The following KCND3 variants were observed in gnomAD, a reference collection of about 807,000 sequenced individuals.
KCND3 encodes the protein potassium voltage-gated channel subfamily D member 3, also known as A-type voltage-gated potassium channel KCND3.
KCND3 carries 9 observed loss-of-function variants against 51.1 expected under a neutral mutation model. The ratio of observed to expected loss-of-function variants is 0.18; its 90% CI spans 0.11 to 0.31. The LOEUF is 0.31. KCND3 is among the 10% of genes least tolerant of loss of function. The pLI is 1.00. For synonymous variants in KCND3, 349 were observed against 368.0 expected (o/e 0.95, Z 0.59); for missense variants, 526 against 903.8 (o/e 0.58, Z 5.36).
intron 2 of KCND3, among the ~76,000 whole-genome samples, chr1:111,969,815 G>C (rs1674222966): frequency 6.6e-6 from 1 of 152,090 alleles, no homozygotes; most frequent in South Asian, 2.1e-4. Context: ...CGTCATCTCT[G>C]TTGTGGGGCA....
chr1:111,784,103 T>TCTCACA (rs1553236798), intron 3 of KCND3, among the ~76,000 whole-genome samples: 24 of 117,564 alleles, frequency 2.0e-4, no homozygotes, highest in African/African-American at 6.4e-4. Context: ...CATTAACTTA[T>TCTCACA]CACACACACA....
chr1:111,910,124 T>TGG (rs1249729860), intron 2 of KCND3: 1 of 152,200 alleles, frequency 6.6e-6, no homozygotes, highest in Non-Finnish European at 1.5e-5. Flanking sequence ...TCGCGCTAGG[T>TGG]GGGAGCAAGC....
At chr1:111,954,688 G>A (rs1205531210) in intron 2 of KCND3, among the ~76,000 whole-genome samples, 1 of 152,214 alleles carries the variant, frequency 6.6e-6, no homozygotes, top group Non-Finnish European at 1.5e-5. Flanking sequence ...ACTAGTCAAC[G>A]TAGGAGTGAA....
At position 111,821,121 on chromosome 1, in the gene KCND3, A is replaced by G. The variant is rs113444457; in HGVS notation, c.1107-34015T>C. On this transcript the variant is annotated intron_variant, in intron 2 of 7. Coordinates refer to ENST00000302127, the MANE Select transcript of KCND3 (RefSeq NM_001378969.1). ...GACAGGATCTGTTTTTACCCTTCTC[A>G]TTATCCTTCTAAGAGATCCGTGTGC... Among the ~76,000 whole-genome samples, 1,017 of 152,262 alleles carry G rather than the reference A, an allele frequency of 6.7e-3. 9 individuals are homozygous for G. Among genetic ancestry groups the G allele is most frequent in the African/African-American group, 0.023 (970 of 41,532 alleles).
Position 111,928,086 on chromosome 1 carries a change from T to C in KCND3, c.1106+53535A>G, listed in dbSNP as rs534392071. ...CCATAGCGCACTTACCACCACTGAC[T>C]TTTTAATTTTTTTTTTTAGCTAACG... On this transcript the variant is annotated intron_variant, in intron 2 of 7. Coordinates refer to ENST00000302127, the MANE Select transcript of KCND3 (RefSeq NM_001378969.1). Among the ~76,000 whole-genome samples the C allele has an allele frequency of 1.4e-4, 21 of 152,230 alleles. No homozygotes were observed. In the East Asian group the frequency reaches 4.1e-3, roughly 29 times the overall value.
intron 2 of KCND3, among the ~76,000 whole-genome samples, chr1:111,906,103 T>A (rs1319713148): frequency 1.3e-5 from 2 of 152,110 alleles, no homozygotes; most frequent in Non-Finnish European, 2.9e-5. Context: ...GCCACTGGAG[T>A]CCCATTCTCA....
At chr1:111,856,085 G>A (rs537960308) in intron 2 of KCND3, among the ~76,000 whole-genome samples, 34 of 152,328 alleles carry the variant, frequency 2.2e-4, no homozygotes, top group African/African-American at 7.2e-4. Context: ...GAAGGATGGC[G>A]AGCAGACCTG....
At chr1:111,956,594 G>A (rs1322658140) in intron 2 of KCND3, among the ~76,000 whole-genome samples, 3 of 152,114 alleles carry the variant, frequency 2.0e-5, no homozygotes, top group East Asian at 1.9e-4. Flanking sequence ...TCTGATGTGC[G>A]GCATTCCTAA....
At chr1:111,979,733 G>A (rs1426744741) in intron 2 of KCND3, among the ~76,000 whole-genome samples, 3 of 152,182 alleles carry the variant, frequency 2.0e-5, no homozygotes, top group Non-Finnish European at 4.4e-5. Flanking sequence ...CAACCTTGCA[G>A]GGCTGTTGTA....
chr1:111,927,403 C>G (rs1218430995), intron 2 of KCND3, among the ~76,000 whole-genome samples: 4 of 152,240 alleles, frequency 2.6e-5, no homozygotes, highest in Admixed American at 2.0e-4. Flanking sequence ...AGACCCCTTC[C>G]TGAATGGGCA....
intron 2 of KCND3, among the ~76,000 whole-genome samples, chr1:111,913,768 T>TA (rs1272948557): frequency 6.6e-6 from 1 of 152,074 alleles, no homozygotes; most frequent in Non-Finnish European, 1.5e-5. Flanking sequence ...TAGTGGTGTG[T>TA]ACCTCTGATC....
At chr1:111,890,996 C>T (rs145628499) in intron 2 of KCND3, among the ~76,000 whole-genome samples, 1,714 of 152,146 alleles carry the variant, frequency 0.011, 102 homozygotes, top group Admixed American at 0.1. Context: ...TTTGAGGGGG[C>T]GTGGCACTGA....
At chr1:111,956,587 G>C (rs1386410676) in intron 2 of KCND3, among the ~76,000 whole-genome samples, 1 of 152,144 alleles carries the variant, frequency 6.6e-6, no homozygotes, top group Admixed American at 6.5e-5. Flanking sequence ...TTCTTTTTCT[G>C]ATGTGCGGCA....
At chr1:111,869,941 T>C (rs1299800232) in intron 2 of KCND3, among the ~76,000 whole-genome samples, 2 of 152,144 alleles carry the variant, frequency 1.3e-5, no homozygotes, top group Non-Finnish European at 2.9e-5. Flanking sequence ...ACATGTCACA[T>C]GCTGAAATAA....
In KCND3 at chr1:111,850,632, C is replaced by A. The variant is rs537882353; in HGVS notation, c.1107-63526G>T. ...TGAAGCTGTGTGTGAAGATAGCCCG[C>A]AGGGGATTCTGACATGGCTGGTCCG... On this transcript the variant is annotated intron_variant, in intron 2 of 7. Coordinates refer to ENST00000302127, the MANE Select transcript of KCND3 (RefSeq NM_001378969.1). 4.6e-5 allele frequency among the ~76,000 whole-genome samples: 7 copies of A among 152,346 alleles called. No individual in the cohort carries two copies. In the South Asian group the frequency reaches 1.4e-3, roughly 32 times the overall value.
rs1047942862 is a variant in KCND3, at chr1:111,772,832, T to G, written c.*3245A>C. 6.6e-6 allele frequency: 1 copy of G among 152,232 alleles called. No homozygotes were observed. The highest frequency in any genetic ancestry group is 1.5e-5 in the Non-Finnish European group (1 of 68,044). The allele number at this position is 152,232 out of a possible 1,614,324, so 9.4% of individuals were successfully genotyped here. A position where few individuals can be genotyped will look rare whatever the true frequency, so the allele number is the denominator to read the frequency against. On this transcript the variant is annotated 3_prime_UTR_variant, in exon 8 of 8. Transcript: ENST00000302127. Reference sequence around the variant, plus strand: ...GGAATAGGTGGTTTTGGGAATATTTTATTATGTCAAAGTGGTTCATGAACT... The same window carrying G: ...GGAATAGGTGGTTTTGGGAATATTTGATTATGTCAAAGTGGTTCATGAACT...
At chr1:111,823,614 C>T (rs565047656) in intron 2 of KCND3, among the ~76,000 whole-genome samples, 1 of 152,172 alleles carries the variant, frequency 6.6e-6, no homozygotes, top group African/African-American at 2.4e-5. Context: ...CTGAATAACA[C>T]ATTTCATTGT....
At chr1:111,796,047 G>A (rs1444650710) in intron 2 of KCND3, among the ~76,000 whole-genome samples, 1 of 152,074 alleles carries the variant, frequency 6.6e-6, no homozygotes, top group Non-Finnish European at 1.5e-5. Flanking sequence ...TTTTTTGCTT[G>A]TTGACTTGTT....
At chr1:111,888,480 G>A (rs1016978844) in intron 2 of KCND3, among the ~76,000 whole-genome samples, 5 of 152,192 alleles carry the variant, frequency 3.3e-5, no homozygotes, top group South Asian at 4.2e-4. Flanking sequence ...GAGGTCAGGC[G>A]TTCCCAGCCT....
Sources: gnomAD v4.1 joint callset for allele counts (sites outside exome capture counted in the v4.1 genomes callset) on GRCh38, gnomAD v4.1.1 for gene constraint, MANE v1.5 for transcripts, NCBI Gene and HGNC (gene_info 2026-07-23, HGNC 2026-07-21) for gene names.